Variants in RAB23 observed in about 807,000 individuals in gnomAD.
RAB23 encodes the protein ras-related protein Rab-23.
Under a neutral mutation model 30.0 loss-of-function variants are expected in RAB23, and 15 were observed. That is an observed-to-expected ratio of 0.50 (90% CI 0.33 to 0.77). The LOEUF (loss-of-function observed/expected upper bound fraction) is 0.77, where lower values mean the gene tolerates loss of function less well. Among genes scored for constraint, RAB23 ranks in the 30% least tolerant of loss-of-function variants. The pLI, the probability that RAB23 is intolerant of heterozygous loss-of-function variation, is 0.02. For missense variants in RAB23, 243 were observed against 275.4 expected, an observed-to-expected ratio of 0.88 and a Z score of 0.83; for synonymous variants, 93 against 94.0, an observed-to-expected ratio of 0.99 and a Z score of 0.06.
At chr6:57,219,736 T>C (rs1195456299) in intron 1 of RAB23, among the ~76,000 whole-genome samples, 3 of 152,174 alleles carry the variant, frequency 2.0e-5, no homozygotes, top group Non-Finnish European at 2.9e-5. Context: ...CAACAAATAG[T>C]GACGGAACAA....
At chr6:57,220,232 TA>T (rs139393741) in intron 1 of RAB23, among the ~76,000 whole-genome samples, 3,867 of 152,268 alleles carry the variant, frequency 0.025, 170 homozygotes, top group African/African-American at 0.087. Flanking sequence ...TTAGAATGGC[TA>T]AATTTAAAAA....
Position 57,190,196 on chromosome 6 carries a change from G to T in RAB23, c.*265C>A. ...TTAAAATTCCGCAAAACCTGTGTTT[G>T]AAATTTCTTATAGCATTCCTTTACA... is the stretch of plus-strand genomic sequence containing the variant. On this transcript the variant is annotated 3_prime_UTR_variant, in exon 7 of 7. Transcript: ENST00000468148. The T allele has an allele frequency of 2.6e-6, 1 of 385,516 alleles. No homozygotes were observed. The allele number at this position is 385,516 out of a possible 1,614,324, so 23.9% of individuals were successfully genotyped here.
Position 57,193,942 on chromosome 6 carries a change from A to C in RAB23, c.482-8T>G, listed in dbSNP as rs1303194537. ...CAGCCAAATACTTAAAAACTAGAAT[A>C]AAAAGAAAACACCCAGAACCAGGTC... is the stretch of plus-strand genomic sequence containing the variant. On this transcript the variant is annotated splice_region_variant and splice_polypyrimidine_tract_variant and intron_variant, in intron 5 of 6. Coordinates refer to ENST00000468148, the MANE Select transcript of RAB23 (RefSeq NM_016277.5). 52 of 1,610,208 alleles carry C rather than the reference A, an allele frequency of 3.2e-5. No homozygotes were observed. The highest frequency in any genetic ancestry group is 4.2e-5 in the Non-Finnish European group (50 of 1,177,648).
At chr6:57,196,325 AG>A in intron 4 of RAB23, 124 bp downstream of exon 4, 1 of 1,105,362 alleles carries the variant, frequency 9.0e-7, no homozygotes, top group South Asian at 1.4e-5. Context: ...AAAATATTTA[AG>A]TCATTAAAGC....
At chr6:57,195,428 G>C (rs1484884379) in intron 4 of RAB23, among the ~76,000 whole-genome samples, 2 of 152,182 alleles carry the variant, frequency 1.3e-5, no homozygotes, top group African/African-American at 4.8e-5. Flanking sequence ...ATTAGAGACT[G>C]TTGTAACCAT....
At chr6:57,195,345 C>G (rs1277456184) in intron 4 of RAB23, among the ~76,000 whole-genome samples, 1 of 152,194 alleles carries the variant, frequency 6.6e-6, no homozygotes, top group African/African-American at 2.4e-5. Context: ...ATATTAATGA[C>G]TACATCTCCA....
intron 3 of RAB23, among the ~76,000 whole-genome samples, chr6:57,200,471 A>T (rs1765208182): frequency 7.4e-6 from 1 of 136,032 alleles, no homozygotes; most frequent in Non-Finnish European, 1.5e-5. Flanking sequence ...CTGGAGGAGG[A>T]GGTTGCAATG....
chr6:57,202,412 A>G (rs1339402150), intron 3 of RAB23, among the ~76,000 whole-genome samples: 7 of 152,210 alleles, frequency 4.6e-5, no homozygotes, highest in Admixed American at 4.6e-4. Flanking sequence ...ATCCAAGTCA[A>G]TTAATCACAT....
chr6:57,212,106 A>T (rs999775528), intron 1 of RAB23, among the ~76,000 whole-genome samples: 1 of 152,212 alleles, frequency 6.6e-6, no homozygotes. Flanking sequence ...AACAAGCATA[A>T]AAGGTGCTGT....
At chr6:57,202,580 A>C (rs777630671) in intron 3 of RAB23, among the ~76,000 whole-genome samples, 5 of 152,186 alleles carry the variant, frequency 3.3e-5, no homozygotes, top group Non-Finnish European at 7.4e-5. Context: ...CCCAAAAGGA[A>C]ATCAACATGA....
rs1411843744 is a variant in RAB23, at chr6:57,189,998, G to A, written c.*463C>T. The A allele has an allele frequency of 4.4e-4, 89 of 204,024 alleles. No homozygotes were observed. The highest frequency in any genetic ancestry group is 2.0e-3 in the African/African-American group (86 of 42,310). 12.6% of individuals were successfully genotyped at this position (204,024 alleles called of 1,614,324 possible). On this transcript the variant is annotated 3_prime_UTR_variant, in exon 7 of 7. Coordinates refer to ENST00000468148, the MANE Select transcript of RAB23 (RefSeq NM_016277.5). ...CCAAAATACTAATGCAGTCTGGCAA[G>A]ATTTAGGGTTTACCTTTCAGTATTA...
At position 57,188,157 on chromosome 6, in the gene RAB23, T is replaced by TAA. The variant is rs2127995041; in HGVS notation, c.*2302_*2303dup. On this transcript the variant is annotated 3_prime_UTR_variant, in exon 7 of 7. Transcript: ENST00000468148. ...TTTAGTATACATGGTTTCATAAAAT[T>TAA]AAAGTTATTTAAGAGAATGAAGGGT... 1 of 152,254 alleles carries TAA rather than the reference T, an allele frequency of 6.6e-6. No individual in the cohort carries two copies. The highest frequency in any genetic ancestry group is 2.4e-5 in the African/African-American group (1 of 41,562). 9.4% of individuals were successfully genotyped at this position (152,254 alleles called of 1,614,324 possible).
chr6:57,214,913 A>C (rs1023189049), intron 1 of RAB23, among the ~76,000 whole-genome samples: 1 of 152,232 alleles, frequency 6.6e-6, no homozygotes, highest in African/African-American at 2.4e-5. Flanking sequence ...GTTAACTGGC[A>C]GTCAATGAGC....
At chr6:57,192,663 G>T (rs1764882944) in intron 6 of RAB23, among the ~76,000 whole-genome samples, 1 of 152,146 alleles carries the variant, frequency 6.6e-6, no homozygotes, top group Admixed American at 6.5e-5. Flanking sequence ...CGAGACAGGA[G>T]GATCACTTGA....
intron 6 of RAB23, among the ~76,000 whole-genome samples, chr6:57,193,320 G>A (rs1165883387): frequency 4.6e-5 from 7 of 152,150 alleles, no homozygotes. Context: ...AAGTCCTTAA[G>A]AGATTATACA....
intron 1 of RAB23, among the ~76,000 whole-genome samples, chr6:57,217,414 C>G (rs192193336): frequency 6.6e-6 from 1 of 152,110 alleles, no homozygotes; most frequent in Admixed American, 6.5e-5. Flanking sequence ...CATGTTCAAA[C>G]AATCCTGCCT....
intron 3 of RAB23, among the ~76,000 whole-genome samples, chr6:57,200,407 G>A (rs564049955): frequency 6.6e-6 from 1 of 151,316 alleles, no homozygotes; most frequent in African/African-American, 2.4e-5. Flanking sequence ...TGTGGTGGTG[G>A]GCACCTGTAG....
At chr6:57,195,699 C>T (rs1764996511) in intron 4 of RAB23, among the ~76,000 whole-genome samples, 1 of 152,154 alleles carries the variant, frequency 6.6e-6, no homozygotes. Flanking sequence ...AGTGAATAAG[C>T]CATCATAGAA....
At position 57,187,620 on chromosome 6, in the gene RAB23, CA is replaced by C. The variant is rs2127994655; in HGVS notation, c.*2840del. ...TTTTGAAAAGTATGCTAATAATTAA[CA>C]ATATCTTATATTAAAAGGGTCCAAC... On this transcript the variant is annotated 3_prime_UTR_variant, in exon 7 of 7. Transcript: ENST00000468148. The C allele has an allele frequency of 6.6e-6, 1 of 152,260 alleles. No homozygotes were observed. The highest frequency in any genetic ancestry group is 2.4e-5 in the African/African-American group (1 of 41,558). The allele number at this position is 152,260 out of a possible 1,614,324, so 9.4% of individuals were successfully genotyped here. A position where few individuals can be genotyped will look rare whatever the true frequency, so the allele number is the denominator to read the frequency against.
Sources: allele counts gnomAD v4.1 joint callset (sites outside exome capture counted in the v4.1 genomes callset), GRCh38; gene constraint gnomAD v4.1.1; transcripts MANE v1.5; gene names NCBI Gene and HGNC (gene_info 2026-07-23, HGNC 2026-07-21).